GET1: variants seen among roughly 807,000 people sequenced by gnomAD.
GET1 encodes guided entry of tail-anchored proteins factor 1, also known as congenital heart disease 5 protein.
In GET1, 20 loss-of-function variants were observed where a neutral mutation model predicts 22.6. The observed-to-expected ratio is 0.89, with a 90% CI of 0.62 to 1.29. The LOEUF (loss-of-function observed/expected upper bound fraction) is 1.29. Ranked by LOEUF, GET1 falls within the 50% of genes most tolerant of loss-of-function variation. The pLI, the probability that GET1 is intolerant of heterozygous loss-of-function variation, is 0.00. For synonymous variants in GET1, 92 were observed against 83.8 expected, an observed-to-expected ratio of 1.10 and a Z score of -0.53; for missense variants, 209 against 219.9, an observed-to-expected ratio of 0.95 and a Z score of 0.31.
At chr21:39,420,824 CTCAGT>C in intron 1 of GET1, 1 of 1,612,670 alleles carries the variant, frequency 6.2e-7, no homozygotes, top group Non-Finnish European at 8.5e-7. Flanking sequence ...GCAGTTCAAC[CTCAGT>C]TGTTTTTCCA....
At chr21:39,398,239 G>A (rs988747982), downstream of GET1, among the ~76,000 whole-genome samples, 5 of 152,120 alleles carry the variant, frequency 3.3e-5, no homozygotes, top group African/African-American at 4.8e-5. Context: ...AGTAGCACAC[G>A]GAAGCTGCAG....
intron 1 of GET1, chr21:39,423,218 T>C: frequency 6.2e-7 from 1 of 1,611,880 alleles, no homozygotes; most frequent in Non-Finnish European, 8.5e-7. Context: ...TTAGCCATAA[T>C]TTGAGGTAGA....
Position 39,397,095 on chromosome 21 carries a change from C to A in GET1, c.*156C>A. On this transcript the variant is annotated 3_prime_UTR_variant, in exon 5 of 5. Coordinates refer to ENST00000649170, the MANE Select transcript of GET1 (RefSeq NM_004627.6). ...TTGTTCTTGGACTTTATGAGAGAGT[C>A]TTATAAGAATCACGATTTTCTACAC... 2 of 736,090 alleles carry A rather than the reference C, an allele frequency of 2.7e-6. No individual in the cohort carries two copies. The highest frequency in any genetic ancestry group is 4.3e-6 in the Non-Finnish European group (2 of 459,878). 45.6% of individuals were successfully genotyped at this position (736,090 alleles called of 1,614,324 possible).
In GET1 at chr21:39,390,170, C is replaced by T. The variant is rs539101764; in HGVS notation, c.103-528C>T. On this transcript the variant is annotated intron_variant, in intron 1 of 4. Coordinates refer to ENST00000649170, the MANE Select transcript of GET1 (RefSeq NM_004627.6). Reference sequence around the variant, plus strand: ...AGTAGGATGTTGGAGGAAGGTGTACCGGTTCTGTCTGGCCAAACCCATGCT... The same window carrying T: ...AGTAGGATGTTGGAGGAAGGTGTACTGGTTCTGTCTGGCCAAACCCATGCT... 3.1e-3 allele frequency among the ~76,000 whole-genome samples: 466 copies of T among 151,834 alleles called. 1 individual carries two copies. The highest frequency in any genetic ancestry group is 5.3e-3 in the Non-Finnish European group (358 of 67,970).
intron 1 of GET1, among the ~76,000 whole-genome samples, chr21:39,384,826 C>T (rs1383687528): frequency 6.6e-6 from 1 of 152,104 alleles, no homozygotes; most frequent in African/African-American, 2.4e-5. Context: ...CCTCATACAA[C>T]CTTATGGCCT....
At chr21:39,394,875 T>C (rs1225966435) in intron 4 of GET1, among the ~76,000 whole-genome samples, 1 of 152,088 alleles carries the variant, frequency 6.6e-6, no homozygotes, top group Non-Finnish European at 1.5e-5. Context: ...TTCTTTTTTT[T>C]CTTCTCTTTT....
chr21:39,409,817 C>G (rs922555119), downstream of GET1, among the ~76,000 whole-genome samples: 1 of 152,198 alleles, frequency 6.6e-6, no homozygotes, highest in Admixed American at 6.5e-5. The surrounding 1 kb of genome is among the most constrained non-coding windows in gnomAD (Gnocchi z 4.2). Flanking sequence ...TGGTCTCAAA[C>G]TCTTGACCTC....
intron 1 of GET1, chr21:39,411,720 T>C: frequency 6.9e-7 from 1 of 1,449,376 alleles, no homozygotes; most frequent in East Asian, 2.3e-5. Flanking sequence ...AAACATACCT[T>C]TTGGATAGTC....
intron 1 of GET1, among the ~76,000 whole-genome samples, chr21:39,415,946 T>C (rs1052280209): frequency 2.0e-5 from 3 of 152,126 alleles, no homozygotes; most frequent in Non-Finnish European, 4.4e-5. Flanking sequence ...TTGGCATGAG[T>C]AGGTGGTGGT....
chr21:39,404,090 ACAT>A (rs1169948586), intron 4 of GET1, among the ~76,000 whole-genome samples: 1 of 152,210 alleles, frequency 6.6e-6, no homozygotes, highest in Non-Finnish European at 1.5e-5. Flanking sequence ...CAACACATAA[ACAT>A]CATTGGAAAG....
chr21:39,428,176 A>AG, intron 1 of GET1: 1 of 1,564,748 alleles, frequency 6.4e-7, no homozygotes, highest in Admixed American at 1.9e-5. Flanking sequence ...CCTTACCTTT[A>AG]GATTGGGAGA....
intron 1 of GET1, chr21:39,428,126 C>T (rs1569109533): frequency 4.5e-6 from 5 of 1,113,714 alleles, no homozygotes; most frequent in Non-Finnish European, 6.6e-6. Context: ...AAAATAACAT[C>T]ATTATGACAG....
chr21:39,398,611 G>GTTT (rs111949013), downstream of GET1, among the ~76,000 whole-genome samples: 5 of 127,772 alleles, frequency 3.9e-5, no homozygotes, highest in Admixed American at 1.6e-4. Flanking sequence ...AAATTATACA[G>GTTT]TTTTTTTTTT....
intron 4 of GET1, among the ~76,000 whole-genome samples, chr21:39,396,596 A>G (rs1318505533): frequency 6.6e-6 from 1 of 150,780 alleles, no homozygotes; most frequent in Non-Finnish European, 1.5e-5. Flanking sequence ...CTGAGGCAGG[A>G]GAATCGCTTG....
At chr21:39,428,336 C>T in exon 2 of GET1, 2 of 1,613,630 alleles carry the variant, frequency 1.2e-6, no homozygotes, top group South Asian at 1.1e-5. Context: ...GCACTGAGAT[C>T]TGCTATAATC....
chr21:39,404,472 G>A (rs909267006), intron 4 of GET1, among the ~76,000 whole-genome samples: 1 of 152,158 alleles, frequency 6.6e-6, no homozygotes, highest in Non-Finnish European at 1.5e-5. Context: ...GGCTGGGCAC[G>A]GTGGCTCACG....
chr21:39,423,226 A>T, intron 1 of GET1: 1 of 1,611,212 alleles, frequency 6.2e-7, no homozygotes, highest in South Asian at 1.1e-5. Context: ...AATTTGAGGT[A>T]GATTATTTTG....
In GET1 at chr21:39,380,467, T is replaced by C. The variant is rs541432382; in HGVS notation, c.83T>C (p.Leu28Pro). Residue 28 changes from leucine to proline, a missense_variant, in exon 1 of 5, where the codon CTC (leucine) becomes CCC (proline). By Grantham distance (98) the Leu-to-Pro change is moderately conservative. Coordinates refer to ENST00000649170, the MANE Select transcript of GET1 (RefSeq NM_004627.6). Reference protein sequence around the residue: ...VFGCNVLRILLPSFSSFMSRV... With the variant: ...VFGCNVLRILPPSFSSFMSRV... ...GGATGCAATGTTCTTAGGATCCTCC[T>C]CCCGTCCTTCTCATCCTTCGTAAGT... 1 of 1,612,750 alleles carries C rather than the reference T, an allele frequency of 6.2e-7. No individual in the cohort carries two copies. Among genetic ancestry groups the C allele is most frequent in the South Asian group, 1.1e-5 (1 of 90,650 alleles).
At chr21:39,382,180 A>G (rs1202958182) in intron 1 of GET1, among the ~76,000 whole-genome samples, 2 of 151,042 alleles carry the variant, frequency 1.3e-5, no homozygotes, top group Non-Finnish European at 2.9e-5. Flanking sequence ...TCAGCCTCCC[A>G]GGTAGCTGTG....
Sources: gnomAD v4.1 joint callset for allele counts (sites outside exome capture counted in the v4.1 genomes callset) on GRCh38, gnomAD v4.1.1 for gene constraint, Gnocchi (gnomAD v3.1) non-coding constraint, MANE v1.5 for transcripts, NCBI Gene and HGNC (gene_info 2026-07-23, HGNC 2026-07-21) for gene names.